The following PAWR variants were observed in gnomAD, a reference collection of about 807,000 sequenced individuals.
The protein encoded by PAWR is PRKC apoptosis WT1 regulator protein.
A neutral mutation model predicts 32.0 loss-of-function variants in PAWR; 23 were observed. The observed-to-expected ratio is 0.72, with a 90% CI of 0.52 to 1.02. The LOEUF (loss-of-function observed/expected upper bound fraction) is 1.02. PAWR is among the 50% of genes least tolerant of loss of function. The pLI is 0.00. For missense variants in PAWR, 457 were observed against 437.7 expected, an observed-to-expected ratio of 1.04 and a Z score of -0.39; for synonymous variants, 226 against 187.1, an observed-to-expected ratio of 1.21 and a Z score of -1.70.
chr12:79,604,982 C>T (rs1011532265), intron 4 of PAWR, among the ~76,000 whole-genome samples: 1 of 152,026 alleles, frequency 6.6e-6, no homozygotes, highest in Non-Finnish European at 1.5e-5. Flanking sequence ...TATCTCCTCC[C>T]AGAAAAATAA....
intron 2 of PAWR, among the ~76,000 whole-genome samples, chr12:79,645,069 A>ACACACACACAC (rs1220453183): frequency 0.083 from 10,274 of 124,258 alleles, 413 homozygotes; most frequent in African/African-American, 0.12. Context: ...CACACACACA[A>ACACACACACAC]AAATCAATGT....
At chr12:79,674,618 CAATCTACAG>C (rs1360972410) in intron 2 of PAWR, among the ~76,000 whole-genome samples, 1 of 151,948 alleles carries the variant, frequency 6.6e-6, no homozygotes, top group Non-Finnish European at 1.5e-5. Flanking sequence ...AGTAAAAAGA[CAATCTACAG>C]AATGGGAGAA....
intron 4 of PAWR, among the ~76,000 whole-genome samples, chr12:79,602,820 G>T (rs1874016302): frequency 6.9e-6 from 1 of 144,592 alleles, no homozygotes; most frequent in African/African-American, 2.6e-5. Context: ...TGACCAGGCT[G>T]GTCTCAAACT....
chr12:79,597,745 T>C (rs1373058863), intron 4 of PAWR: 2 of 152,156 alleles, frequency 1.3e-5, no homozygotes, highest in African/African-American at 4.8e-5. Context: ...GTATTTAAAG[T>C]TTTTAATGTA....
At chr12:79,663,423 AT>A (rs988717360) in intron 2 of PAWR, among the ~76,000 whole-genome samples, 2 of 152,188 alleles carry the variant, frequency 1.3e-5, no homozygotes, top group Non-Finnish European at 2.9e-5. Context: ...TTAAATGTAG[AT>A]TCATCAGTCC....
rs138885015 is a variant in PAWR, at chr12:79,682,314, G to A, written c.516+7415C>T. Among the ~76,000 whole-genome samples the A allele has an allele frequency of 2.0e-5, 3 of 152,118 alleles. No individual in the cohort carries two copies. In the East Asian group the frequency reaches 5.8e-4, roughly 29 times the overall value. ...TTAGAGGTGTGAGCTATGGCACCTG[G>A]CCCCACAGAATTTATTATGAAGAGC... On this transcript the variant is annotated intron_variant, in intron 2 of 6. Transcript: ENST00000328827.
At chr12:79,596,026 T>C (rs1873736275) in intron 5 of PAWR, among the ~76,000 whole-genome samples, 1 of 152,164 alleles carries the variant, frequency 6.6e-6, no homozygotes, top group Admixed American at 6.5e-5. Context: ...TCTTTAATAA[T>C]ATAGAGAATA....
intron 2 of PAWR, among the ~76,000 whole-genome samples, chr12:79,651,639 G>A (rs1876850419): frequency 6.8e-6 from 1 of 147,112 alleles, no homozygotes; most frequent in Non-Finnish European, 1.5e-5. Context: ...TTATCTGGAG[G>A]CTAAGTGGGG....
In PAWR at chr12:79,592,308, T is replaced by C. The variant is rs540660078; in HGVS notation, c.*299A>G. ...GAAAATGTACTACCAAGATAAAATA[T>C]ATTCAAACGGCTGTGACTTTAAACC... On this transcript the variant is annotated 3_prime_UTR_variant, in exon 7 of 7. Coordinates refer to ENST00000328827, the MANE Select transcript of PAWR (RefSeq NM_002583.4). The C allele has an allele frequency of 1.1e-5, 3 of 278,222 alleles. No homozygotes were observed. The highest frequency in any genetic ancestry group is 2.0e-5 in the Non-Finnish European group (3 of 149,136). 17.2% of individuals were successfully genotyped at this position (278,222 alleles called of 1,614,324 possible).
chr12:79,597,057 CTTTTTT>C, intron 4 of PAWR: 1 of 136,956 alleles, frequency 7.3e-6, no homozygotes, highest in Non-Finnish European at 1.6e-5. Flanking sequence ...CCCAGATTAT[CTTTTTT>C]TTTTTTTTTT....
chr12:79,650,587 G>A (rs1019894292), intron 2 of PAWR, among the ~76,000 whole-genome samples: 1 of 151,994 alleles, frequency 6.6e-6, no homozygotes, highest in African/African-American at 2.4e-5. Context: ...AATATTATAG[G>A]CTTTGTGGAC....
At chr12:79,647,128 T>TCATG (rs1389474480) in intron 2 of PAWR, among the ~76,000 whole-genome samples, 3 of 144,414 alleles carry the variant, frequency 2.1e-5, no homozygotes, top group Non-Finnish European at 4.5e-5. Flanking sequence ...TGAGCCAAGA[T>TCATG]CATGCCACTG....
intron 2 of PAWR, among the ~76,000 whole-genome samples, chr12:79,646,542 T>C (rs1438920558): frequency 6.6e-6 from 1 of 152,234 alleles, no homozygotes; most frequent in Non-Finnish European, 1.5e-5. Context: ...TATGTTCATA[T>C]TTATCAGATT....
intron 2 of PAWR, among the ~76,000 whole-genome samples, chr12:79,647,981 C>G (rs1036564462): frequency 6.6e-6 from 1 of 152,070 alleles, no homozygotes; most frequent in Non-Finnish European, 1.5e-5. Flanking sequence ...ACCTAGATCT[C>G]TCACATGCAC....
chr12:79,686,477 G>A (rs1026342087), intron 2 of PAWR, among the ~76,000 whole-genome samples: 6 of 152,042 alleles, frequency 3.9e-5, no homozygotes, highest in Non-Finnish European at 8.8e-5. Flanking sequence ...AATCAAATGG[G>A]GAACTTATAA....
At chr12:79,615,690 C>T (rs749359463) in intron 3 of PAWR, among the ~76,000 whole-genome samples, 2 of 152,034 alleles carry the variant, frequency 1.3e-5, no homozygotes, top group Admixed American at 6.5e-5. Context: ...TATTTAATGT[C>T]GAAAGAAATA....
Position 79,690,188 on chromosome 12 carries a change from GA to G in PAWR, c.56del (p.Phe19SerfsTer71), listed in dbSNP as rs1878936621. The stretch of plus-strand genomic sequence containing the variant: ...CGCGTTTCGCCTTCCACTCCTCCAG[GA>G]AGTCTGTGGTGCTGCCGCCGAGGCC... ...SSGLGGSTTD[F>X]LEEWKAKREK... is the part of the protein sequence containing the mutation. On this transcript the variant is annotated frameshift_variant, in exon 2 of 7. Transcript: ENST00000328827. LOFTEE classifies it high-confidence loss of function. 6.5e-7 allele frequency: 1 copy of G among 1,533,208 alleles called. No homozygotes were observed. Among genetic ancestry groups the G allele is most frequent in the Non-Finnish European group, 8.7e-7 (1 of 1,143,710 alleles). 95.0% of individuals were successfully genotyped at this position (1,533,208 alleles called of 1,614,324 possible). A position where few individuals can be genotyped will look rare whatever the true frequency, so the allele number is the denominator to read the frequency against.
chr12:79,618,727 T>C (rs1405173661), intron 3 of PAWR, among the ~76,000 whole-genome samples: 1 of 152,192 alleles, frequency 6.6e-6, no homozygotes, highest in Non-Finnish European at 1.5e-5. Flanking sequence ...AATAAGTCCC[T>C]GATAATTTTA....
chr12:79,636,781 C>T (rs1444189887), intron 2 of PAWR, among the ~76,000 whole-genome samples: 2 of 152,064 alleles, frequency 1.3e-5, no homozygotes, highest in Non-Finnish European at 2.9e-5. Context: ...CCTTATAATG[C>T]TTGTTCCTTC....
Sources: allele counts gnomAD v4.1 joint callset (sites outside exome capture counted in the v4.1 genomes callset), GRCh38; gene constraint gnomAD v4.1.1; transcripts MANE v1.5; gene names NCBI Gene and HGNC (gene_info 2026-07-23, HGNC 2026-07-21).